The following UTRN variants were observed in gnomAD, a reference collection of about 807,000 sequenced individuals.
UTRN encodes the protein dystrophin-related protein 1.
In UTRN, 283 loss-of-function variants were observed where a neutral mutation model predicts 463.9. The ratio of observed to expected loss-of-function variants is 0.61; its 90% CI spans 0.55 to 0.67. The LOEUF (loss-of-function observed/expected upper bound fraction) is 0.67. Ranked by LOEUF, UTRN falls within the 30% of genes least tolerant of loss-of-function variation. UTRN has a pLI of 0.00. For missense variants in UTRN, 3,922 were observed against 4,084.3 expected (o/e 0.96, Z 1.08); for synonymous variants, 1,442 against 1,431.5 (o/e 1.01, Z -0.17).
At chr6:144,714,614 A>G (rs987905570) in intron 53 of UTRN, among the ~76,000 whole-genome samples, 2 of 152,214 alleles carry the variant, frequency 1.3e-5, no homozygotes, top group African/African-American at 4.8e-5. Flanking sequence ...GAGGTCTGCA[A>G]TCACATAGCC....
At chr6:144,488,429 T>A (rs1003907674) in intron 29 of UTRN, among the ~76,000 whole-genome samples, 1 of 152,174 alleles carries the variant, frequency 6.6e-6, no homozygotes, top group Non-Finnish European at 1.5e-5. Context: ...ATGGGAAACC[T>A]TTACATTTTT....
chr6:144,302,777 C>A (rs575760076), intron 2 of UTRN, among the ~76,000 whole-genome samples: 6 of 152,116 alleles, frequency 3.9e-5, no homozygotes, highest in Non-Finnish European at 7.4e-5. Context: ...AGTAAGAGAG[C>A]GTGAAAGAGG....
intron 2 of UTRN, among the ~76,000 whole-genome samples, chr6:144,297,279 C>T (rs1416791305): frequency 6.6e-6 from 1 of 151,964 alleles, no homozygotes; most frequent in Non-Finnish European, 1.5e-5. Context: ...AAAAATAAAA[C>T]AAATTATTAA....
At chr6:144,799,860 T>C (rs1777561546) in intron 64 of UTRN, among the ~76,000 whole-genome samples, 2 of 152,224 alleles carry the variant, frequency 1.3e-5, no homozygotes. Flanking sequence ...GTTTTCCAGT[T>C]TGTGTTCTTA....
intron 53 of UTRN, among the ~76,000 whole-genome samples, chr6:144,704,651 A>C (rs541252813): frequency 1.3e-5 from 2 of 152,280 alleles, no homozygotes; most frequent in South Asian, 4.1e-4. Flanking sequence ...AACTCGAGGG[A>C]AGAAATAAAA....
chr6:144,415,246 C>T (rs893576611), intron 3 of UTRN, among the ~76,000 whole-genome samples: 1 of 152,088 alleles, frequency 6.6e-6, no homozygotes, highest in Non-Finnish European at 1.5e-5. Context: ...CCTAAGGATG[C>T]ATTTCTCTGA....
At chr6:144,555,279 T>A (rs1385356048) in intron 49 of UTRN, among the ~76,000 whole-genome samples, 1 of 152,094 alleles carries the variant, frequency 6.6e-6, no homozygotes, top group Non-Finnish European at 1.5e-5. Context: ...AGAAAGGAGA[T>A]TTAATTGACT....
At chr6:144,783,700 A>G (rs1240299367) in intron 61 of UTRN, among the ~76,000 whole-genome samples, 3 of 152,186 alleles carry the variant, frequency 2.0e-5, no homozygotes, top group East Asian at 3.8e-4. Flanking sequence ...GTACTTTTGT[A>G]CCAATTAATG....
rs1789542211 is a variant in UTRN, at chr6:144,462,657, C to T, written c.2857C>T (p.Leu953Phe). ...VEKALQEKKTLDEILENQKPA... is the reference protein window; with the variant it reads ...VEKALQEKKTFDEILENQKPA... ...AATCTTTTAAAACTTTTTCCAGACC[C>T]TTGATGAAATCCTTGAGAATCAGAA... Residue 953 changes from leucine (L) to phenylalanine (F), a missense_variant, in exon 23 of 75, where the codon CTT becomes TTT. Around this residue, in one of 3 missense-constraint regions of UTRN, gnomAD observed 2,349 missense variants for 2,303.8 expected, o/e 1.02. Transcript: ENST00000367545. The T allele has an allele frequency of 1.2e-6, 2 of 1,600,592 alleles. No homozygotes were observed. The highest frequency in any genetic ancestry group is 4.5e-5 in the East Asian group (2 of 44,730).
chr6:144,719,932 A>G (rs1033209947), intron 53 of UTRN, among the ~76,000 whole-genome samples: 1 of 152,254 alleles, frequency 6.6e-6, no homozygotes, highest in African/African-American at 2.4e-5. Flanking sequence ...AGATTGAAGA[A>G]AGGTTAGGAA....
rs768902182 is a variant in UTRN at position 144,793,975 on chromosome 6, G to A, written c.9062G>A (p.Arg3021His). ...GGCAGTAATATTGAGCCTAGTGTTC[G>A]CAGCTGCTTCCAACAGGTAAGCATG... ...FGGSNIEPSV[R>H]SCFQQNNNKP... Residue 3021 changes from arginine (R) to histidine (H), a missense_variant, in exon 63 of 75, where the codon CGC (arginine) becomes CAC (histidine). Coordinates refer to ENST00000367545, the MANE Select transcript of UTRN (RefSeq NM_007124.3). 1.3e-5 allele frequency: 21 copies of A among 1,613,778 alleles called. No individual in the cohort carries two copies. The highest frequency in any genetic ancestry group is 4.5e-5 in the East Asian group (2 of 44,870).
At chr6:144,709,450 T>A (rs781487777) in intron 53 of UTRN, among the ~76,000 whole-genome samples, 2 of 152,178 alleles carry the variant, frequency 1.3e-5, no homozygotes, top group Non-Finnish European at 2.9e-5. Context: ...AGAACTCTTG[T>A]CTTACAGCTC....
At position 144,539,274 on chromosome 6, in the gene UTRN, C is replaced by G. The variant is rs757670718; in HGVS notation, c.6370-20C>G. On this transcript the variant is annotated intron_variant, in intron 44 of 74. Coordinates refer to ENST00000367545, the MANE Select transcript of UTRN (RefSeq NM_007124.3). Reference sequence around the variant, plus strand: ...TTATCTGACTACCTTCTAACCACACCTATCTTTTAACTTCTCCAGGACTTA... The same window carrying G: ...TTATCTGACTACCTTCTAACCACACGTATCTTTTAACTTCTCCAGGACTTA... The G allele has an allele frequency of 6.3e-7, 1 of 1,587,146 alleles. No individual in the cohort carries two copies.
At chr6:144,654,097 G>A (rs1213655942) in intron 51 of UTRN, among the ~76,000 whole-genome samples, 4 of 152,228 alleles carry the variant, frequency 2.6e-5, no homozygotes, top group East Asian at 3.9e-4. Flanking sequence ...GGAAACCATA[G>A]TTGTAAGTGT....
At chr6:144,604,446 T>TA (rs1298431392) in intron 51 of UTRN, among the ~76,000 whole-genome samples, 1 of 152,220 alleles carries the variant, frequency 6.6e-6, no homozygotes, top group Admixed American at 6.5e-5. Flanking sequence ...AAACTGACTT[T>TA]AGACTAATAT....
chr6:144,713,316 G>A lies in UTRN; in HGVS notation c.7809+13073G>A, dbSNP rs571534751. 5.2e-4 allele frequency among the ~76,000 whole-genome samples: 79 copies of A among 152,244 alleles called. 2 individuals are homozygous for A. Among genetic ancestry groups the A allele is most frequent in the African/African-American group, 1.8e-3 (75 of 41,534 alleles). ...TTTATGTGTGCATGTATTTTAAAGA[G>A]TACAGGGGGCCGGGTGCAGTGGCTC... On this transcript the variant is annotated intron_variant, in intron 53 of 74. Coordinates refer to ENST00000367545, the MANE Select transcript of UTRN (RefSeq NM_007124.3).
chr6:144,759,970 T>A lies in UTRN; in HGVS notation c.8495+1981T>A, dbSNP rs185038515. Among the ~76,000 whole-genome samples the A allele has an allele frequency of 5.6e-3, 847 of 152,276 alleles. 5 individuals carry two copies. The highest frequency in any genetic ancestry group is 0.019 in the African/African-American group (798 of 41,560). ...AGAGTCTTTTATCATCTGATTTTTT[T>A]AAAAATGCAAACTGGATCTAGTTTT... On this transcript the variant is annotated intron_variant, in intron 58 of 74. Coordinates refer to ENST00000367545, the MANE Select transcript of UTRN (RefSeq NM_007124.3).
intron 74 of UTRN, among the ~76,000 whole-genome samples, chr6:144,849,808 A>G (rs1782332392): frequency 6.6e-6 from 1 of 152,196 alleles, no homozygotes; most frequent in Non-Finnish European, 1.5e-5. Context: ...TATAGGCACA[A>G]TTCAAAAATC....
At chr6:144,788,452 A>C (rs1235738848) in intron 61 of UTRN, among the ~76,000 whole-genome samples, 1 of 152,156 alleles carries the variant, frequency 6.6e-6, no homozygotes, top group East Asian at 1.9e-4. Context: ...GTTTTTAGAT[A>C]TATCACTAGA....
Sources: allele counts gnomAD v4.1 joint callset (sites outside exome capture counted in the v4.1 genomes callset), GRCh38; gene constraint gnomAD v4.1.1; regional missense constraint gnomAD v4.1.1; transcripts MANE v1.5; gene names NCBI Gene and HGNC (gene_info 2026-07-23, HGNC 2026-07-21).